MAP4: variants seen among roughly 807,000 people sequenced by gnomAD.
MAP4 encodes the protein microtubule-associated protein 4.
A neutral mutation model predicts 170.2 loss-of-function variants in MAP4; 76 were observed. The ratio of observed to expected loss-of-function variants is 0.45; its 90% CI spans 0.37 to 0.54. MAP4 has a LOEUF of 0.54. MAP4 is among the 20% of genes least tolerant of loss of function. MAP4 has a pLI of 0.00. For missense variants in MAP4, 2,506 were observed against 2,748.0 expected (o/e 0.91, Z 1.97); for synonymous variants, 909 against 994.5 (o/e 0.91, Z 1.62).
chr3:48,017,571 T>G (rs570026676), upstream of MAP4, among the ~76,000 whole-genome samples: 27 of 151,200 alleles, frequency 1.8e-4, no homozygotes, highest in Non-Finnish European at 3.0e-4. Flanking sequence ...ACCATAATCA[T>G]CAGCAGCTTT....
At chr3:48,076,340 C>CAAA (rs202066552) in intron 1 of MAP4, among the ~76,000 whole-genome samples, 2 of 138,930 alleles carry the variant, frequency 1.4e-5, no homozygotes, top group African/African-American at 5.3e-5. Flanking sequence ...ACTAAAAATA[C>CAAA]AAAAAAAAAA....
chr3:47,910,089 G>T lies in MAP4; in HGVS notation c.4332C>A (p.Pro1444=). 1 of 1,613,918 alleles carries T rather than the reference G, an allele frequency of 6.2e-7. No homozygotes were observed. Among genetic ancestry groups the T allele is most frequent in the Non-Finnish European group, 8.5e-7 (1 of 1,179,876 alleles). The change falls in exon 9 of 21, where the codon CCC becomes CCA. Residue 1444 remains proline, a synonymous_variant. Coordinates refer to ENST00000683076, the MANE Select transcript of MAP4 (RefSeq NM_001385682.1). ...VLESAACEKL[P]TPTPQVVKEG... is the part of the protein sequence containing the mutation. ...CCTTTACTACTTGAGGAGTAGGAGT[G>T]GGCAGTTTTTCACAGGCTGCTGATT...
chr3:47,911,273 C>G lies in MAP4; in HGVS notation c.3148G>C (p.Glu1050Gln). The G allele has an allele frequency of 6.5e-7, 1 of 1,536,142 alleles. No individual in the cohort carries two copies. Among genetic ancestry groups the G allele is most frequent in the South Asian group, 1.2e-5 (1 of 84,056 alleles). ...TCACCTGCCATTCTCTTAAATGGTT[C>G]ATTCTCTACCCCAGGGACCTGTACC... ...VLVQVPGVEN[E>Q]PFKRMAGDGK... Residue 1050 changes from glutamate to glutamine, a missense_variant, in exon 9 of 21, where the codon GAA becomes CAA. This residue lies in a region of MAP4 where 2,008 missense variants were observed against 2,206.0 expected (regional missense o/e 0.91). Transcript: ENST00000683076. This position sits in a 1 kb window ranked among gnomAD's most constrained non-coding sequence, Gnocchi z 4.0.
intron 10 of MAP4, among the ~76,000 whole-genome samples, chr3:47,882,124 C>T (rs916115776): frequency 1.4e-4 from 21 of 152,036 alleles, no homozygotes; most frequent in Middle Eastern, 3.2e-3. Context: ...ACTAAAAATA[C>T]ATAAATTAGC....
intron 11 of MAP4, among the ~76,000 whole-genome samples, chr3:47,876,423 G>A (rs539763337): frequency 1.2e-4 from 19 of 152,244 alleles, no homozygotes; most frequent in Non-Finnish European, 1.9e-4. Flanking sequence ...GAGCCACCGC[G>A]CCTGGCCTGG....
intron 3 of MAP4, among the ~76,000 whole-genome samples, chr3:47,940,814 G>A (rs866383776): frequency 6.6e-6 from 1 of 152,144 alleles, no homozygotes; most frequent in Non-Finnish European, 1.5e-5. Flanking sequence ...AGGTGCAGTA[G>A]TTCACCCCTG....
At chr3:47,987,574 C>T (rs1559717019) in intron 2 of MAP4, 3 of 505,312 alleles carry the variant, frequency 5.9e-6, no homozygotes, top group Middle Eastern at 3.4e-4. Flanking sequence ...CTCCAAACTC[C>T]GGACTCCTTA....
chr3:47,917,354 G>C (rs1336647873), intron 6 of MAP4, among the ~76,000 whole-genome samples, 180 bp from the exon 7 acceptor site: 1 of 152,116 alleles, frequency 6.6e-6, no homozygotes, highest in South Asian at 2.1e-4. Context: ...TTGGGAGGCC[G>C]AGGCGGATGG....
chr3:48,011,813 T>C (rs138616552), intron 1 of MAP4, among the ~76,000 whole-genome samples: 42 of 152,306 alleles, frequency 2.8e-4, no homozygotes, highest in African/African-American at 9.9e-4. Context: ...GTTATGCCAT[T>C]TCCCTATTCT....
rs965432367 is a variant in MAP4 at position 47,915,682 on chromosome 3, T to C, written c.1876+269A>G. On this transcript the variant is annotated intron_variant, in intron 7 of 20. Transcript: ENST00000683076. ...CAGATACAAGTAGTTGGGTAGATAA[T>C]GGAATAGAAGTTTGTCGATGTTCTA... 2.6e-5 allele frequency among the ~76,000 whole-genome samples: 4 copies of C among 152,048 alleles called. No individual in the cohort carries two copies. In the East Asian group the frequency reaches 5.8e-4, roughly 22 times the overall value.
At chr3:48,020,052 A>AT (rs2100109808), upstream of MAP4, among the ~76,000 whole-genome samples, 2 of 151,816 alleles carry the variant, frequency 1.3e-5, no homozygotes, top group African/African-American at 4.8e-5. Flanking sequence ...TGAGACGGAG[A>AT]TTTTTGTATT....
At chr3:48,010,429 G>C (rs143936810) in intron 1 of MAP4, among the ~76,000 whole-genome samples, 1 of 152,216 alleles carries the variant, frequency 6.6e-6, no homozygotes, top group African/African-American at 2.4e-5. Flanking sequence ...AAGATTTATT[G>C]ATTTCATAAC....
At chr3:48,033,328 C>T (rs1161893050) in intron 1 of MAP4, among the ~76,000 whole-genome samples, 1 of 152,052 alleles carries the variant, frequency 6.6e-6, no homozygotes, top group Non-Finnish European at 1.5e-5. Context: ...AATGGCATGC[C>T]CTCCTCATGT....
intron 1 of MAP4, among the ~76,000 whole-genome samples, chr3:48,036,268 T>C (rs1579438454): frequency 6.6e-6 from 1 of 152,282 alleles, no homozygotes; most frequent in East Asian, 1.9e-4. Context: ...ACTAGTTTAA[T>C]TGTTTATAAC....
At chr3:47,985,087 C>A (rs1046974797) in intron 2 of MAP4, among the ~76,000 whole-genome samples, 1 of 151,988 alleles carries the variant, frequency 6.6e-6, no homozygotes, top group Admixed American at 6.6e-5. Flanking sequence ...TGAGACCAGC[C>A]TGGCCAACGT....
chr3:47,943,646 A>T (rs1289764716), intron 3 of MAP4, among the ~76,000 whole-genome samples: 1 of 151,998 alleles, frequency 6.6e-6, no homozygotes, highest in East Asian at 1.9e-4. Context: ...CATCTCAATT[A>T]AAAAAACAAA....
At chr3:47,987,917 G>A (rs989416865) in intron 2 of MAP4, among the ~76,000 whole-genome samples, 1 of 152,290 alleles carries the variant, frequency 6.6e-6, no homozygotes, top group East Asian at 1.9e-4. Context: ...AAGGCAGGCC[G>A]GGCACGGTGG....
chr3:48,060,830 C>T (rs888266433), intron 1 of MAP4, among the ~76,000 whole-genome samples: 20 of 151,860 alleles, frequency 1.3e-4, no homozygotes, highest in Admixed American at 7.9e-4. Context: ...AAATTAAAAA[C>T]GAAACAAAAT....
rs1359372074 is a variant in MAP4, at chr3:47,910,089, G to A, written c.4332C>T (p.Pro1444=). Residue 1444 remains proline, a synonymous_variant, in exon 9 of 21, where the codon CCC becomes CCT. Transcript: ENST00000683076. Reference sequence around the variant, plus strand: ...CCTTTACTACTTGAGGAGTAGGAGTGGGCAGTTTTTCACAGGCTGCTGATT... The same window carrying A: ...CCTTTACTACTTGAGGAGTAGGAGTAGGCAGTTTTTCACAGGCTGCTGATT... ...VLESAACEKL[P]TPTPQVVKEG... is the part of the protein sequence containing the mutation. 3.1e-6 allele frequency: 5 copies of A among 1,613,918 alleles called. No individual in the cohort carries two copies. The highest frequency in any genetic ancestry group is 3.4e-6 in the Non-Finnish European group (4 of 1,179,876).
Sources: allele counts gnomAD v4.1 joint callset (sites outside exome capture counted in the v4.1 genomes callset), GRCh38; gene constraint gnomAD v4.1.1; regional missense constraint gnomAD v4.1.1; non-coding constraint Gnocchi (gnomAD v3.1); transcripts MANE v1.5; gene names NCBI Gene and HGNC (gene_info 2026-07-23, HGNC 2026-07-21).